Variants in RSRC1 observed in about 807,000 individuals in gnomAD.
RSRC1 encodes the protein serine/Arginine-related protein 53.
Under a neutral mutation model 49.1 loss-of-function variants are expected in RSRC1, and 39 were observed. The ratio of observed to expected loss-of-function variants is 0.79; its 90% CI spans 0.61 to 1.04. The LOEUF (loss-of-function observed/expected upper bound fraction) is 1.04. Among genes scored for constraint, RSRC1 ranks in the 50% least tolerant of loss-of-function variants. The pLI, the probability that RSRC1 is intolerant of heterozygous loss-of-function variation, is 0.00. For missense variants in RSRC1, 388 were observed against 402.4 expected (o/e 0.96, Z 0.31); for synonymous variants, 143 against 130.8 (o/e 1.09, Z -0.63).
rs745628128 is a variant in RSRC1 at position 158,537,201 on chromosome 3, A to T, written c.759+3A>T. On this transcript the variant is annotated splice_donor_region_variant and intron_variant, in intron 8 of 9. Coordinates refer to ENST00000611884, the MANE Select transcript of RSRC1 (RefSeq NM_001271838.2). ...GATCAAGTAAAGAAGTCAAAAAGGT[A>T]AGTTTTTATCCACCCATTATGAGTA... The T allele has an allele frequency of 1.3e-6, 2 of 1,553,790 alleles. No individual in the cohort carries two copies. Among genetic ancestry groups the T allele is most frequent in the South Asian group, 1.2e-5 (1 of 83,356 alleles).
rs559914807 is a variant in RSRC1, at chr3:158,522,306, A to C, written c.653-14786A>C. Among the ~76,000 whole-genome samples, 8 of 152,142 alleles carry C rather than the reference A, an allele frequency of 5.3e-5. No individual in the cohort carries two copies. The East Asian group carries it at 1.5e-3, about 29-fold the overall frequency. On this transcript the variant is annotated intron_variant, in intron 7 of 9. Transcript: ENST00000611884. Reference sequence around the variant, plus strand: ...TACAAAAACACACAAGGCCTACTTTACTTTTTTTTTCTCCCCTTTGAGACA... The same window carrying C: ...TACAAAAACACACAAGGCCTACTTTCCTTTTTTTTTCTCCCCTTTGAGACA...
At chr3:158,207,900 T>A (rs1433945383) in intron 4 of RSRC1, among the ~76,000 whole-genome samples, 1 of 152,178 alleles carries the variant, frequency 6.6e-6, no homozygotes, top group Non-Finnish European at 1.5e-5. Flanking sequence ...AAACCCTTTT[T>A]AAATAACAGC....
chr3:158,386,750 T>C (rs984355763), intron 6 of RSRC1, among the ~76,000 whole-genome samples: 7 of 151,664 alleles, frequency 4.6e-5, no homozygotes, highest in African/African-American at 1.7e-4. Flanking sequence ...AATTGACTTA[T>C]ATGCCTCTTA....
intron 7 of RSRC1, among the ~76,000 whole-genome samples, chr3:158,499,390 G>A (rs1439339652): frequency 6.6e-6 from 1 of 151,700 alleles, no homozygotes; most frequent in Non-Finnish European, 1.5e-5. Flanking sequence ...CAAAAAAACA[G>A]AGTTTTTTTT....
chr3:158,234,605 T>TA (rs1261897656), intron 4 of RSRC1, among the ~76,000 whole-genome samples: 2 of 152,090 alleles, frequency 1.3e-5, no homozygotes, highest in Non-Finnish European at 2.9e-5. Context: ...ATATTTTTTT[T>TA]AAAAAGGATA....
At chr3:158,239,516 C>G (rs1253596345) in intron 4 of RSRC1, among the ~76,000 whole-genome samples, 1 of 149,440 alleles carries the variant, frequency 6.7e-6, no homozygotes, top group African/African-American at 2.5e-5. Context: ...CCATGGAATA[C>G]TGTGCAATGA....
intron 3 of RSRC1, among the ~76,000 whole-genome samples, chr3:158,135,213 C>T (rs1716290812): frequency 6.6e-6 from 1 of 151,772 alleles, no homozygotes; most frequent in Non-Finnish European, 1.5e-5. Flanking sequence ...TTTTGTGAGG[C>T]TCAGAATGTG....
intron 4 of RSRC1, among the ~76,000 whole-genome samples, chr3:158,223,386 G>A (rs778996164): frequency 6.6e-6 from 1 of 151,548 alleles, no homozygotes; most frequent in South Asian, 2.1e-4. Context: ...AGGCTGAGAG[G>A]CAAAATCAAA....
At chr3:158,114,835 T>G (rs941713798) in intron 1 of RSRC1, among the ~76,000 whole-genome samples, 6 of 152,216 alleles carry the variant, frequency 3.9e-5, no homozygotes, top group African/African-American at 1.2e-4. Flanking sequence ...GCTAGTGATT[T>G]TTGCACATTG....
chr3:158,218,260 G>T (rs1230755147), intron 4 of RSRC1, among the ~76,000 whole-genome samples: 1 of 151,630 alleles, frequency 6.6e-6, no homozygotes, highest in African/African-American at 2.4e-5. Context: ...GTGGAAAACA[G>T]ATTGCAGAGG....
intron 4 of RSRC1, among the ~76,000 whole-genome samples, chr3:158,233,706 A>G (rs1723089338): frequency 6.6e-6 from 1 of 152,174 alleles, no homozygotes; most frequent in African/African-American, 2.4e-5. Flanking sequence ...TATTATATAC[A>G]AAAGACAACC....
chr3:158,295,792 T>TA lies in RSRC1; in HGVS notation c.495-2247_495-2246insA, dbSNP rs201327616. Reference sequence around the variant, plus strand: ...GGCAAAGCAATAGCCTACATTGTCTTTTTGTTTTAAAGAGCAGTTTCTTGT... The same window carrying TA: ...GGCAAAGCAATAGCCTACATTGTCTTATTTGTTTTAAAGAGCAGTTTCTTGT... On this transcript the variant is annotated intron_variant, in intron 4 of 9. Coordinates refer to ENST00000611884, the MANE Select transcript of RSRC1 (RefSeq NM_001271838.2). Among the ~76,000 whole-genome samples, 258 of 152,244 alleles carry TA rather than the reference T, an allele frequency of 1.7e-3. 4 individuals are homozygous for TA. The highest frequency in any genetic ancestry group is 6.0e-3 in the African/African-American group (248 of 41,570).
intron 4 of RSRC1, among the ~76,000 whole-genome samples, chr3:158,271,062 T>C (rs1041072598): frequency 6.6e-6 from 1 of 152,154 alleles, no homozygotes; most frequent in Non-Finnish European, 1.5e-5. Context: ...TTTTAAAATT[T>C]AAGTATGTAG....
chr3:158,178,326 GA>G (rs1322690274), intron 3 of RSRC1, among the ~76,000 whole-genome samples: 1 of 152,024 alleles, frequency 6.6e-6, no homozygotes, highest in African/African-American at 2.4e-5. Flanking sequence ...TTTTGGTACA[GA>G]TGGGGTTTCA....
At chr3:158,362,326 G>A (rs1373802396) in intron 6 of RSRC1, among the ~76,000 whole-genome samples, 1 of 152,168 alleles carries the variant, frequency 6.6e-6, no homozygotes, top group Non-Finnish European at 1.5e-5. Context: ...GGGTGACAGA[G>A]TAAGACCCTG....
chr3:158,296,286 A>G (rs946612688), intron 4 of RSRC1, among the ~76,000 whole-genome samples: 1 of 152,074 alleles, frequency 6.6e-6, no homozygotes, highest in Non-Finnish European at 1.5e-5. Context: ...ATATGCTTCT[A>G]TTGTGGATTT....
intron 3 of RSRC1, among the ~76,000 whole-genome samples, chr3:158,163,596 C>T (rs1559925159): frequency 6.6e-6 from 1 of 151,902 alleles, no homozygotes; most frequent in East Asian, 1.9e-4. Flanking sequence ...GTTCAGCATT[C>T]CAAAGATGGA....
chr3:158,250,858 A>G (rs556407758), intron 4 of RSRC1, among the ~76,000 whole-genome samples: 1 of 152,158 alleles, frequency 6.6e-6, no homozygotes, highest in African/African-American at 2.4e-5. Flanking sequence ...ACATTTGTCC[A>G]TGTTTGCTTT....
intron 4 of RSRC1, among the ~76,000 whole-genome samples, chr3:158,226,262 A>G (rs543690837): frequency 6.6e-6 from 1 of 152,068 alleles, no homozygotes; most frequent in African/African-American, 2.4e-5. Flanking sequence ...TAAAACAGGG[A>G]AGCCCTTTTC....
Sources: gnomAD v4.1 joint callset for allele counts (sites outside exome capture counted in the v4.1 genomes callset) on GRCh38, gnomAD v4.1.1 for gene constraint, MANE v1.5 for transcripts, NCBI Gene and HGNC (gene_info 2026-07-23, HGNC 2026-07-21) for gene names.